Variants in MRPL19 observed in about 807,000 individuals in gnomAD.
The protein encoded by MRPL19 is large ribosomal subunit protein bL19m.
MRPL19 carries 31 observed loss-of-function variants against 34.0 expected under a neutral mutation model. The observed-to-expected ratio is 0.91, with a 90% CI of 0.68 to 1.23. The LOEUF (loss-of-function observed/expected upper bound fraction) is 1.23. Ranked by LOEUF, MRPL19 falls within the 50% of genes most tolerant of loss-of-function variation. The probability of loss-of-function intolerance (pLI) is 0.00; values close to 1 mark genes in which losing one functional copy is unlikely to be tolerated. For missense variants in MRPL19, 384 were observed against 367.6 expected (o/e 1.04, Z -0.37); for synonymous variants, 152 against 127.7 (o/e 1.19, Z -1.28).
chr2:75,660,333 G>GT lies in MRPL19; in HGVS notation c.*5049dup, dbSNP rs1678579259. 6.6e-6 allele frequency: 1 copy of GT among 151,986 alleles called. No individual in the cohort carries two copies. Among genetic ancestry groups the GT allele is most frequent in the Admixed American group, 6.6e-5 (1 of 15,256 alleles). 9.4% of individuals were successfully genotyped at this position (151,986 alleles called of 1,614,324 possible). A position where few individuals can be genotyped will look rare whatever the true frequency, so the allele number is the denominator to read the frequency against. ...GACAATTGTTTAAAGTCTTTGCATAGTAAGTCCAATGTCTGTGTTTCTTCA... is the reference window on the plus strand; with the variant it reads ...GACAATTGTTTAAAGTCTTTGCATAGTTAAGTCCAATGTCTGTGTTTCTTCA... On this transcript the variant is annotated 3_prime_UTR_variant, in exon 6 of 6. Transcript: ENST00000393909.
At chr2:75,649,884 C>T (rs553555364) in intron 2 of MRPL19, among the ~76,000 whole-genome samples, 1 of 152,248 alleles carries the variant, frequency 6.6e-6, no homozygotes, top group South Asian at 2.1e-4. Flanking sequence ...CTACCCTCCT[C>T]GGCCTCCCAA....
chr2:75,655,509 G>C lies in MRPL19; in HGVS notation c.*224G>C. ...ACCAATGTCCATTTGCTTATTGGAG[G>C]CAAAGCTACAATAGAAGTCAGAGCA... is the stretch of plus-strand genomic sequence containing the variant. On this transcript the variant is annotated 3_prime_UTR_variant, in exon 6 of 6. Transcript: ENST00000393909. 2.5e-6 allele frequency: 1 copy of C among 405,812 alleles called. No homozygotes were observed. The highest frequency in any genetic ancestry group is 4.2e-5 in the Admixed American group (1 of 23,962). 25.1% of individuals were successfully genotyped at this position (405,812 alleles called of 1,614,324 possible).
rs940499117 is a variant in MRPL19 at position 75,660,764 on chromosome 2, C to T, written c.*5479C>T. 7.9e-5 allele frequency: 12 copies of T among 152,168 alleles called. No individual in the cohort carries two copies. The highest frequency in any genetic ancestry group is 2.9e-4 in the African/African-American group (12 of 41,424). 9.4% of individuals were successfully genotyped at this position (152,168 alleles called of 1,614,324 possible). On this transcript the variant is annotated 3_prime_UTR_variant, in exon 6 of 6. Coordinates refer to ENST00000393909, the MANE Select transcript of MRPL19 (RefSeq NM_014763.4). ...ATACTTAGCCAGGCTTGTACTGAGCCTAACAATCAGGCCCAAAAGCGTAGG... is the reference window on the plus strand; with the variant it reads ...ATACTTAGCCAGGCTTGTACTGAGCTTAACAATCAGGCCCAAAAGCGTAGG...
chr2:75,648,698 A>G (rs1678269762), intron 2 of MRPL19, among the ~76,000 whole-genome samples: 1 of 150,604 alleles, frequency 6.6e-6, no homozygotes, highest in South Asian at 2.1e-4. Flanking sequence ...ATTTCTACTA[A>G]AAGTACAAAA....
chr2:75,657,563 A>G lies in MRPL19; in HGVS notation c.*2278A>G, dbSNP rs1029949793. On this transcript the variant is annotated 3_prime_UTR_variant, in exon 6 of 6. Coordinates refer to ENST00000393909, the MANE Select transcript of MRPL19 (RefSeq NM_014763.4). ...AACCTCTCAAAATAAAAGGTTAACA[A>G]GAGCCTATATCTTATATTTTTCTTC... is the stretch of plus-strand genomic sequence containing the variant. 5 of 152,182 alleles carry G rather than the reference A, an allele frequency of 3.3e-5. No homozygotes were observed. Among genetic ancestry groups the G allele is most frequent in the African/African-American group, 1.2e-4 (5 of 41,454 alleles). 9.4% of individuals were successfully genotyped at this position (152,182 alleles called of 1,614,324 possible).
At position 75,655,589 on chromosome 2, in the gene MRPL19, T is replaced by C. The variant is rs1678430977; in HGVS notation, c.*304T>C. 1 of 221,068 alleles carries C rather than the reference T, an allele frequency of 4.5e-6. No individual in the cohort carries two copies. 13.7% of individuals were successfully genotyped at this position (221,068 alleles called of 1,614,324 possible). On this transcript the variant is annotated 3_prime_UTR_variant, in exon 6 of 6. Transcript: ENST00000393909. The stretch of plus-strand genomic sequence containing the variant: ...ACCTGAGCAAAGGGAATAGGTGGGA[T>C]GAATTTTTTTTTTAATTGTGAAACA...
rs1485515093 is a variant in MRPL19 at position 75,660,923 on chromosome 2, T to A, written c.*5638T>A. On this transcript the variant is annotated 3_prime_UTR_variant, in exon 6 of 6. Transcript: ENST00000393909. Reference sequence around the variant, plus strand: ...GCAGCTTTTTCTCACAGAACATAGATGGTTTTTTGGATATCTTGACCATAG... The same window carrying A: ...GCAGCTTTTTCTCACAGAACATAGAAGGTTTTTTGGATATCTTGACCATAG... 2.0e-5 allele frequency: 3 copies of A among 152,250 alleles called. No individual in the cohort carries two copies. The highest frequency in any genetic ancestry group is 2.9e-5 in the Non-Finnish European group (2 of 68,048). The allele number at this position is 152,250 out of a possible 1,614,324, so 9.4% of individuals were successfully genotyped here.
chr2:75,650,255 CATA>C (rs1678303973), intron 2 of MRPL19, among the ~76,000 whole-genome samples: 1 of 151,510 alleles, frequency 6.6e-6, no homozygotes, highest in Non-Finnish European at 1.5e-5. Flanking sequence ...TTAAATATTT[CATA>C]ATGAGCTTAA....
At chr2:75,648,785 C>G (rs1678271188) in intron 2 of MRPL19, among the ~76,000 whole-genome samples, 1 of 152,046 alleles carries the variant, frequency 6.6e-6, no homozygotes, top group South Asian at 2.1e-4. Flanking sequence ...AGAAGAATTG[C>G]TTGAACACAG....
intron 2 of MRPL19, 138 bp downstream of exon 2, chr2:75,647,357 G>A: frequency 4.1e-6 from 3 of 737,588 alleles, no homozygotes; most frequent in South Asian, 3.8e-5. Context: ...AAGAGCCAGC[G>A]CACCACACTG....
At chr2:75,651,538 A>G (rs1339437461) in intron 2 of MRPL19, 3 of 466,010 alleles carry the variant, frequency 6.4e-6, no homozygotes, top group Admixed American at 2.2e-5. Context: ...CAGAACCTTC[A>G]TATTCAAACT....
In MRPL19 at chr2:75,652,274, G is replaced by C; in HGVS notation, c.340+14G>C. The stretch of plus-strand genomic sequence containing the variant: ...AGTTCTATGTTGGTCAGTAAGAGCT[G>C]TATGTTTTTATTATTAGTAATTAGG... On this transcript the variant is annotated intron_variant, in intron 3 of 5. Coordinates refer to ENST00000393909, the MANE Select transcript of MRPL19 (RefSeq NM_014763.4). The C allele has an allele frequency of 2.0e-6, 3 of 1,493,646 alleles. No individual in the cohort carries two copies. Among genetic ancestry groups the C allele is most frequent in the Non-Finnish European group, 1.8e-6 (2 of 1,090,440 alleles). The allele number at this position is 1,493,646 out of a possible 1,614,324, so 92.5% of individuals were successfully genotyped here. A position where few individuals can be genotyped will look rare whatever the true frequency, so the allele number is the denominator to read the frequency against.
rs534221020 is a variant in MRPL19, at chr2:75,660,822, G to A, written c.*5537G>A. ...CAGATCTTGTCTGAGCATGCTTCTT[G>A]CTGTGTATGCACGTAGTTTTCTAAA... On this transcript the variant is annotated 3_prime_UTR_variant, in exon 6 of 6. Transcript: ENST00000393909. 6.6e-6 allele frequency: 1 copy of A among 152,312 alleles called. No individual in the cohort carries two copies. Among genetic ancestry groups the A allele is most frequent in the East Asian group, 1.9e-4 (1 of 5,174 alleles). The allele number at this position is 152,312 out of a possible 1,614,324, so 9.4% of individuals were successfully genotyped here. A position where few individuals can be genotyped will look rare whatever the true frequency, so the allele number is the denominator to read the frequency against.
chr2:75,653,093 A>G (rs1346942517), intron 4 of MRPL19, among the ~76,000 whole-genome samples: 1 of 152,234 alleles, frequency 6.6e-6, no homozygotes, highest in Non-Finnish European at 1.5e-5. Flanking sequence ...TCACTGTCTT[A>G]TATGACTTGG....
rs903759301 is a variant in MRPL19 at position 75,652,139 on chromosome 2, C to T, written c.222-3C>T. The stretch of plus-strand genomic sequence containing the variant: ...TTTAATTATTTATTTGTATTTTTTA[C>T]AGGTTCTTGAGTCCTGAATTCATTC... On this transcript the variant is annotated splice_polypyrimidine_tract_variant and splice_region_variant and intron_variant, in intron 2 of 5. Transcript: ENST00000393909. 1.7e-5 allele frequency: 25 copies of T among 1,496,172 alleles called. No individual in the cohort carries two copies. The highest frequency in any genetic ancestry group is 9.0e-7 in the Non-Finnish European group (1 of 1,106,350). 92.7% of individuals were successfully genotyped at this position (1,496,172 alleles called of 1,614,324 possible). A position where few individuals can be genotyped will look rare whatever the true frequency, so the allele number is the denominator to read the frequency against.
Position 75,652,528 on chromosome 2 carries a change from A to G in MRPL19, c.346A>G (p.Ile116Val). 6.2e-7 allele frequency: 1 copy of G among 1,610,578 alleles called. No individual in the cohort carries two copies. Among genetic ancestry groups the G allele is most frequent in the Non-Finnish European group, 8.5e-7 (1 of 1,179,014 alleles). The change falls in exon 4 of 6, where the codon ATT (isoleucine) becomes GTT (valine). Residue 116 changes from isoleucine to valine, a missense_variant. Coordinates refer to ENST00000393909, the MANE Select transcript of MRPL19 (RefSeq NM_014763.4). The part of the protein sequence containing the change: ...LHIPEFYVGS[I>V]LRVTTADPYA... ...CTTCTCTTTTGAATTTGTAGGAAGT[A>G]TTCTTCGTGTTACTACAGCTGACCC...
At chr2:75,647,811 A>G (rs1440561815) in intron 2 of MRPL19, 1 of 152,242 alleles carries the variant, frequency 6.6e-6, no homozygotes, top group Non-Finnish European at 1.5e-5. Context: ...TTCAGAGGAA[A>G]AACCTGATAT....
In MRPL19 at chr2:75,657,807, C is replaced by T. The variant is rs1678496772; in HGVS notation, c.*2522C>T. On this transcript the variant is annotated 3_prime_UTR_variant, in exon 6 of 6. Coordinates refer to ENST00000393909, the MANE Select transcript of MRPL19 (RefSeq NM_014763.4). ...TTTAAAATTCTTGTGAATTTTTCCC[C>T]AGAAGTAAAGCAAATCTTCCCCCAG... The T allele has an allele frequency of 6.6e-6, 1 of 151,422 alleles. No homozygotes were observed. Among genetic ancestry groups the T allele is most frequent in the Non-Finnish European group, 1.5e-5 (1 of 67,912 alleles). The allele number at this position is 151,422 out of a possible 1,614,324, so 9.4% of individuals were successfully genotyped here. A position where few individuals can be genotyped will look rare whatever the true frequency, so the allele number is the denominator to read the frequency against.
rs11847 is a variant in MRPL19, at chr2:75,655,450, T to C, written c.*165T>C. The C allele has an allele frequency of 0.43, 247,728 of 576,776 alleles. 56,684 individuals are homozygous for C. The highest frequency in any genetic ancestry group is 0.72 in the African/African-American group (38,019 of 52,458). The allele number at this position is 576,776 out of a possible 1,614,324, so 35.7% of individuals were successfully genotyped here. A position where few individuals can be genotyped will look rare whatever the true frequency, so the allele number is the denominator to read the frequency against. Reference sequence around the variant, plus strand: ...AAAATAAAACTTGTACACCAGTTTATTACTCTAAAAAGAGAATTACACATG... The same window carrying C: ...AAAATAAAACTTGTACACCAGTTTACTACTCTAAAAAGAGAATTACACATG... On this transcript the variant is annotated 3_prime_UTR_variant, in exon 6 of 6. Transcript: ENST00000393909.
Sources: gnomAD v4.1 joint callset for allele counts (sites outside exome capture counted in the v4.1 genomes callset) on GRCh38, gnomAD v4.1.1 for gene constraint, MANE v1.5 for transcripts, NCBI Gene and HGNC (gene_info 2026-07-23, HGNC 2026-07-21) for gene names.